The following NTM variants were observed in gnomAD, a reference collection of about 807,000 sequenced individuals.
NTM encodes IgLON family member 2.
In NTM, 13 loss-of-function variants were observed where a neutral mutation model predicts 42.1. That is an observed-to-expected ratio of 0.31 (90% CI 0.20 to 0.49). The LOEUF is 0.49. NTM is among the 20% of genes least tolerant of loss of function. The pLI, the probability that NTM is intolerant of heterozygous loss-of-function variation, is 0.99. For missense variants in NTM, 373 were observed against 452.8 expected (o/e 0.82, Z 1.60); for synonymous variants, 187 against 179.2 (o/e 1.04, Z -0.35).
At chr11:131,867,281 C>T (rs565309072) in intron 1 of NTM, among the ~76,000 whole-genome samples, 20 of 152,192 alleles carry the variant, frequency 1.3e-4, no homozygotes, top group African/African-American at 4.8e-4. Flanking sequence ...TGGAAGGATC[C>T]GCAAAGGCTG....
At chr11:131,542,612 C>T (rs1249781990) in intron 1 of NTM, among the ~76,000 whole-genome samples, 2 of 152,146 alleles carry the variant, frequency 1.3e-5, no homozygotes, top group African/African-American at 2.4e-5. Flanking sequence ...CCCAAATGTA[C>T]CCCCTATTTT....
At chr11:132,015,612 T>C (rs915717795) in intron 2 of NTM, among the ~76,000 whole-genome samples, 13 of 148,726 alleles carry the variant, frequency 8.7e-5, no homozygotes, top group African/African-American at 3.2e-4. Context: ...CTTTTACCTC[T>C]GAAGTAAAAT....
intron 2 of NTM, among the ~76,000 whole-genome samples, chr11:131,968,240 A>G (rs1410381706): frequency 6.6e-6 from 1 of 152,214 alleles, no homozygotes; most frequent in Non-Finnish European, 1.5e-5. Flanking sequence ...TGCTCATGTC[A>G]GAGAGAAACA....
intron 2 of NTM, among the ~76,000 whole-genome samples, chr11:132,104,937 G>GTGTGTGTGTGTATA (rs1169190929): frequency 1.6e-5 from 1 of 61,826 alleles, no homozygotes; most frequent in African/African-American, 6.1e-5. Context: ...ATATACATAT[G>GTGTGTGTGTGTATA]TATATATATA....
At chr11:131,629,058 C>G (rs2063401798) in intron 1 of NTM, among the ~76,000 whole-genome samples, 1 of 152,236 alleles carries the variant, frequency 6.6e-6, no homozygotes, top group Non-Finnish European at 1.5e-5. Flanking sequence ...CTGTTTTCTG[C>G]TCTATGTTAG....
intron 2 of NTM, among the ~76,000 whole-genome samples, chr11:132,073,497 G>A (rs1188227696): frequency 6.6e-6 from 1 of 152,146 alleles, no homozygotes; most frequent in Admixed American, 6.5e-5. Context: ...ATTGTTAAAA[G>A]GACATATGGC....
At chr11:131,624,011 T>C (rs889481194) in intron 1 of NTM, among the ~76,000 whole-genome samples, 2 of 152,180 alleles carry the variant, frequency 1.3e-5, no homozygotes, top group African/African-American at 4.8e-5. Flanking sequence ...TAATTCTTTC[T>C]GTGAAAGACA....
At chr11:131,570,033 T>C (rs959718109) in intron 1 of NTM, among the ~76,000 whole-genome samples, 3 of 152,232 alleles carry the variant, frequency 2.0e-5, no homozygotes, top group African/African-American at 7.2e-5. Context: ...TAGGAGCTTG[T>C]CTTTTTCTTT....
chr11:132,067,718 C>T (rs2056731550), intron 2 of NTM, among the ~76,000 whole-genome samples: 1 of 152,218 alleles, frequency 6.6e-6, no homozygotes, highest in African/African-American at 2.4e-5. Flanking sequence ...TTTCACTGCC[C>T]TCTGGGCCCA....
chr11:131,472,857 C>T (rs61550068), intron 1 of NTM, among the ~76,000 whole-genome samples: 8,458 of 152,178 alleles, frequency 0.056, 541 homozygotes, highest in East Asian at 0.19. Flanking sequence ...CCGAAGCCCA[C>T]ATTACTTCCA....
At chr11:131,606,743 T>C (rs1229913769) in intron 1 of NTM, among the ~76,000 whole-genome samples, 1 of 152,154 alleles carries the variant, frequency 6.6e-6, no homozygotes, top group Non-Finnish European at 1.5e-5. Flanking sequence ...TGTTTCTTTG[T>C]AGGGCAACAA....
At chr11:131,991,053 C>T (rs766651732) in intron 2 of NTM, among the ~76,000 whole-genome samples, 23 of 151,992 alleles carry the variant, frequency 1.5e-4, no homozygotes, top group Non-Finnish European at 2.9e-4. Context: ...TCATTCAGTT[C>T]GATTAATGTT....
rs147936692 is a variant in NTM, at chr11:131,697,256, G to A, written c.83-214308G>A. On this transcript the variant is annotated intron_variant, in intron 1 of 8. Coordinates refer to ENST00000683400, the MANE Select transcript of NTM (RefSeq NM_001352005.2). Reference sequence around the variant, plus strand: ...TGGACACATCAGTCTGCAGCCAGTCGGATGGGTCTCTCAGAGCCTCTTGGA... The same window carrying A: ...TGGACACATCAGTCTGCAGCCAGTCAGATGGGTCTCTCAGAGCCTCTTGGA... Among the ~76,000 whole-genome samples, 27 of 152,334 alleles carry A rather than the reference G, an allele frequency of 1.8e-4. No individual in the cohort carries two copies. The South Asian group carries it at 2.5e-3, about 14-fold the overall frequency.
At chr11:131,565,357 A>C (rs1394940518) in intron 1 of NTM, among the ~76,000 whole-genome samples, 7 of 152,064 alleles carry the variant, frequency 4.6e-5, no homozygotes, top group Admixed American at 4.6e-4. Flanking sequence ...GAAAAATCCA[A>C]CCAATATTGT....
At chr11:132,111,123 A>G in intron 2 of NTM, among the ~76,000 whole-genome samples, 1 of 138,320 alleles carries the variant, frequency 7.2e-6, no homozygotes, top group African/African-American at 2.6e-5. Flanking sequence ...GACAGAGAGA[A>G]AGAAAACTAT....
intron 1 of NTM, among the ~76,000 whole-genome samples, chr11:131,542,757 T>A (rs2053444928): frequency 6.6e-6 from 1 of 152,110 alleles, no homozygotes; most frequent in Admixed American, 6.5e-5. Flanking sequence ...AATGCAGGAT[T>A]TCCTGAAAAC....
chr11:132,048,818 C>CTTTTTTTTTT (rs10563617), intron 2 of NTM, among the ~76,000 whole-genome samples: 3 of 132,996 alleles, frequency 2.3e-5, no homozygotes, highest in Non-Finnish European at 4.8e-5. Context: ...TTTCTTTTTT[C>CTTTTTTTTTT]TTTTTTTTTT....
Position 131,935,238 on chromosome 11 carries a change from A to G in NTM, c.167+23590A>G, listed in dbSNP as rs1011928798. On this transcript the variant is annotated intron_variant, in intron 2 of 8. Coordinates refer to ENST00000683400, the MANE Select transcript of NTM (RefSeq NM_001352005.2). ...GTATTAGTGTTATTGGGGTATTTAC[A>G]TAATGAACTATTTACAGCTTGAGAA... 2.6e-5 allele frequency among the ~76,000 whole-genome samples: 4 copies of G among 152,332 alleles called. No homozygotes were observed. In the East Asian group the frequency reaches 5.8e-4, roughly 22 times the overall value.
chr11:132,188,345 G>C (rs144955028), intron 3 of NTM, among the ~76,000 whole-genome samples: 10 of 152,292 alleles, frequency 6.6e-5, no homozygotes, highest in African/African-American at 2.4e-4. Context: ...TGAGGGGCCA[G>C]AAACCTGTGT....
Sources: allele counts gnomAD v4.1 joint callset (sites outside exome capture counted in the v4.1 genomes callset), GRCh38; gene constraint gnomAD v4.1.1; transcripts MANE v1.5; gene names NCBI Gene and HGNC (gene_info 2026-07-23, HGNC 2026-07-21).